SPATS2L: variants seen among roughly 807,000 people sequenced by gnomAD.
SPATS2L encodes the protein spermatogenesis associated serine rich 2 like.
In SPATS2L, 30 loss-of-function variants were observed where a neutral mutation model predicts 59.6. That is an observed-to-expected ratio of 0.50 (90% CI 0.38 to 0.68). The LOEUF (loss-of-function observed/expected upper bound fraction) is 0.68. SPATS2L is among the 30% of genes least tolerant of loss of function. The pLI, the probability that SPATS2L is intolerant of heterozygous loss-of-function variation, is 0.00. For missense variants in SPATS2L, 615 were observed against 700.0 expected, an observed-to-expected ratio of 0.88 and a Z score of 1.37; for synonymous variants, 252 against 263.5, an observed-to-expected ratio of 0.96 and a Z score of 0.42.
At chr2:200,413,123 G>C (rs567613947) in intron 4 of SPATS2L, among the ~76,000 whole-genome samples, 1 of 152,208 alleles carries the variant, frequency 6.6e-6, no homozygotes, top group African/African-American at 2.4e-5. Flanking sequence ...AATGTATTTT[G>C]GTCCTTATCT....
chr2:200,344,940 A>G (rs1426954324), intron 2 of SPATS2L, among the ~76,000 whole-genome samples: 1 of 152,000 alleles, frequency 6.6e-6, no homozygotes, highest in Non-Finnish European at 1.5e-5. Flanking sequence ...AAATTTGTTT[A>G]AGTTCCATAG....
rs527611304 is a variant in SPATS2L, at chr2:200,428,611, A to G, written c.445+9115A>G. ...AACTCATCTTCCTAGTTCTGGCTAC[A>G]CTCTGAACTCCAGACTCTTCTTTGA... On this transcript the variant is annotated intron_variant, in intron 6 of 12. Coordinates refer to ENST00000409140, the MANE Select transcript of SPATS2L (RefSeq NM_001100423.2). Among the ~76,000 whole-genome samples the G allele has an allele frequency of 3.3e-5, 5 of 152,268 alleles. No homozygotes were observed. The South Asian group carries it at 1.0e-3, about 32-fold the overall frequency.
intron 9 of SPATS2L, 57 bp from the exon 10 acceptor site, chr2:200,467,233 G>A (rs1359532810): frequency 3.4e-6 from 4 of 1,167,670 alleles, no homozygotes; most frequent in Non-Finnish European, 5.1e-6. Context: ...AAGAAATTAG[G>A]TTATTTAATA....
At chr2:200,451,044 C>T (rs942126864) in intron 8 of SPATS2L, among the ~76,000 whole-genome samples, 9 of 152,180 alleles carry the variant, frequency 5.9e-5, no homozygotes, top group African/African-American at 2.2e-4. Flanking sequence ...TAATGATGGG[C>T]ACGGTGGCTC....
At chr2:200,371,296 T>C (rs928829195) in intron 2 of SPATS2L, among the ~76,000 whole-genome samples, 4 of 152,150 alleles carry the variant, frequency 2.6e-5, no homozygotes, top group Middle Eastern at 3.2e-3. Context: ...TTTGATTCTA[T>C]GAACAAGTCT....
intron 1 of SPATS2L, among the ~76,000 whole-genome samples, chr2:200,314,551 A>C (rs1363289036): frequency 1.3e-5 from 2 of 152,172 alleles, no homozygotes; most frequent in African/African-American, 2.4e-5. Flanking sequence ...TTCAGGTTAA[A>C]ATGTAAGCTC....
chr2:200,350,590 G>A (rs531517081), intron 2 of SPATS2L, among the ~76,000 whole-genome samples: 5 of 152,178 alleles, frequency 3.3e-5, no homozygotes, highest in East Asian at 1.9e-4. Context: ...GCAGTGGCAC[G>A]ATCGTTCACT....
intron 10 of SPATS2L, among the ~76,000 whole-genome samples, chr2:200,468,755 T>C (rs928289184): frequency 6.6e-6 from 1 of 152,218 alleles, no homozygotes; most frequent in Non-Finnish European, 1.5e-5. Context: ...GTTTCCCCAG[T>C]ATATCTCCTT....
At chr2:200,322,816 G>A (rs2079608909) in intron 1 of SPATS2L, among the ~76,000 whole-genome samples, 1 of 152,074 alleles carries the variant, frequency 6.6e-6, no homozygotes, top group African/African-American at 2.4e-5. Flanking sequence ...AAAAATGGGG[G>A]AAAAAACCCA....
chr2:200,358,848 C>T (rs531516171), intron 2 of SPATS2L, among the ~76,000 whole-genome samples: 10 of 152,042 alleles, frequency 6.6e-5, no homozygotes, highest in Non-Finnish European at 4.4e-5. Context: ...ATTAGCCAGG[C>T]GTGGCAGTGC....
Position 200,308,946 on chromosome 2 carries a change from G to A in SPATS2L, c.-73+2024G>A, listed in dbSNP as rs1031477596. The A allele has an allele frequency of 1.2e-5, 8 of 679,068 alleles. No homozygotes were observed. The East Asian group carries it at 2.2e-4, about 18-fold the overall frequency. 42.1% of individuals were successfully genotyped at this position (679,068 alleles called of 1,614,324 possible). ...TTTCTGCATGCACTGATTTTCCTGAGGCCATTGTGGAGAGAGTTATCTGTG... is the reference window on the plus strand; with the variant it reads ...TTTCTGCATGCACTGATTTTCCTGAAGCCATTGTGGAGAGAGTTATCTGTG... On this transcript the variant is annotated intron_variant, in intron 1 of 12. Coordinates refer to ENST00000409140, the MANE Select transcript of SPATS2L (RefSeq NM_001100423.2).
At chr2:200,375,512 C>T (rs1308245479) in intron 2 of SPATS2L, among the ~76,000 whole-genome samples, 1 of 152,120 alleles carries the variant, frequency 6.6e-6, no homozygotes, top group Admixed American at 6.6e-5. Context: ...ATGATTAGAC[C>T]TTGACTCTGA....
intron 9 of SPATS2L, among the ~76,000 whole-genome samples, chr2:200,462,806 G>A (rs1327639491): frequency 6.6e-6 from 1 of 152,058 alleles, no homozygotes; most frequent in African/African-American, 2.4e-5. Flanking sequence ...TGTGCCCATA[G>A]TTCTAGCTAT....
chr2:200,308,909 C>A, intron 1 of SPATS2L: 1 of 619,466 alleles, frequency 1.6e-6, no homozygotes, highest in Non-Finnish European at 2.9e-6. Context: ...TGAAAGTCTT[C>A]AGTAAATAGT....
intron 2 of SPATS2L, among the ~76,000 whole-genome samples, chr2:200,339,506 C>A (rs1295610992): frequency 1.3e-5 from 2 of 152,080 alleles, no homozygotes; most frequent in African/African-American, 4.8e-5. Flanking sequence ...AATGTTTACA[C>A]CTGGTTTAGT....
chr2:200,343,703 A>T (rs2080410029), intron 2 of SPATS2L, among the ~76,000 whole-genome samples: 1 of 152,166 alleles, frequency 6.6e-6, no homozygotes, highest in African/African-American at 2.4e-5. Context: ...CAGATTAGTT[A>T]AATATATTCT....
intron 1 of SPATS2L, among the ~76,000 whole-genome samples, chr2:200,319,429 G>A (rs1478586272): frequency 6.6e-6 from 1 of 152,094 alleles, no homozygotes; most frequent in Non-Finnish European, 1.5e-5. Flanking sequence ...GCTGAGCATG[G>A]TGGCGTATGC....
Position 200,477,852 on chromosome 2 carries a change from G to T in SPATS2L, c.1498G>T (p.Glu500Ter). The stretch of plus-strand genomic sequence containing the variant: ...GGCTTCCTTGGGGATGAAGACCCCC[G>T]AGGCCCCGGCCCATTCTGAAAAGCC... The part of the protein sequence containing the change: ...QEASLGMKTP[E>*]APAHSEKPRR... Residue 500 changes from glutamate to a stop codon, truncating the protein, a stop_gained, in exon 13 of 13, where the codon GAG (glutamate) becomes TAG (stop). Coordinates refer to ENST00000409140, the MANE Select transcript of SPATS2L (RefSeq NM_001100423.2). LOFTEE classifies it high-confidence loss of function. 6.3e-7 allele frequency: 1 copy of T among 1,590,274 alleles called. No homozygotes were observed.
intron 9 of SPATS2L, among the ~76,000 whole-genome samples, chr2:200,465,596 C>A (rs961084854): frequency 5.9e-5 from 9 of 152,186 alleles, no homozygotes; most frequent in African/African-American, 2.2e-4. Flanking sequence ...GTCTGCCCAG[C>A]CACATGGTAT....
Sources: gnomAD v4.1 joint callset for allele counts (sites outside exome capture counted in the v4.1 genomes callset) on GRCh38, gnomAD v4.1.1 for gene constraint, MANE v1.5 for transcripts, NCBI Gene and HGNC (gene_info 2026-07-23, HGNC 2026-07-21) for gene names.